DLGAP2: variants seen among roughly 807,000 people sequenced by gnomAD.
DLGAP2 encodes disks large-associated protein 2.
Under a neutral mutation model 100.3 loss-of-function variants are expected in DLGAP2, and 26 were observed. The observed-to-expected ratio is 0.26, with a 90% CI of 0.19 to 0.36. The LOEUF (loss-of-function observed/expected upper bound fraction) is 0.36. Ranked by LOEUF, DLGAP2 falls within the 10% of genes least tolerant of loss-of-function variation. DLGAP2 has a pLI of 1.00. For missense variants in DLGAP2, 1,858 were observed against 1,453.2 expected (o/e 1.28, Z -4.53); for synonymous variants, 886 against 630.1 (o/e 1.41, Z -6.08).
chr8:1,549,577 C>T lies in DLGAP2; in HGVS notation c.1124C>T (p.Thr375Met), dbSNP rs767514905. 12 of 1,612,344 alleles carry T rather than the reference C, an allele frequency of 7.4e-6. No individual in the cohort carries two copies. The highest frequency in any genetic ancestry group is 4.0e-5 in the African/African-American group (3 of 74,920). ...YLKRSSWSTL[T>M]VSQAKEAYRK... ...AAGCGCAGCTCCTGGTCTACGCTGA[C>T]GGTCAGCCAGGCCAAGGAGGCCTAC... The change falls in exon 5 of 15, where the codon ACG (threonine) becomes ATG (methionine). Residue 375 changes from threonine to methionine, a missense_variant. Transcript: ENST00000637795.
intron 4 of DLGAP2, among the ~76,000 whole-genome samples, chr8:1,542,676 A>C (rs1801403199): frequency 6.6e-6 from 1 of 152,186 alleles, no homozygotes; most frequent in African/African-American, 2.4e-5. Context: ...CTTTTTGGCA[A>C]CTATGAATGA....
intron 8 of DLGAP2, among the ~76,000 whole-genome samples, chr8:1,645,926 G>C (rs900613857): frequency 6.6e-6 from 1 of 152,204 alleles, no homozygotes. Context: ...TTCCAGCCTT[G>C]TCTTTCCCGT....
At chr8:1,685,678 A>C (rs1799096335) in intron 12 of DLGAP2, among the ~76,000 whole-genome samples, 1 of 152,166 alleles carries the variant, frequency 6.6e-6, no homozygotes, top group Admixed American at 6.5e-5. Context: ...AATGTCTGCA[A>C]ACTGCCCATC....
At position 823,724 on chromosome 8, in the gene DLGAP2, C is replaced by T. The variant is rs541251994; in HGVS notation, c.19-84188C>T. 5.3e-5 allele frequency among the ~76,000 whole-genome samples: 8 copies of T among 152,192 alleles called. No individual in the cohort carries two copies. In the East Asian group the frequency reaches 5.8e-4, roughly 11 times the overall value. On this transcript the variant is annotated intron_variant, in intron 1 of 14. Coordinates refer to ENST00000637795, the MANE Select transcript of DLGAP2 (RefSeq NM_001346810.2). ...AAATGTTTTTGTTGTTGATGTTTGTCGTCGTTTTGTCTTGCACTTTGGGAA... is the reference window on the plus strand; with the variant it reads ...AAATGTTTTTGTTGTTGATGTTTGTTGTCGTTTTGTCTTGCACTTTGGGAA...
intron 1 of DLGAP2, chr8:738,114 C>T (rs1486768599): frequency 8.2e-5 from 17 of 207,782 alleles, no homozygotes; most frequent in African/African-American, 1.7e-4. Flanking sequence ...CACGGGGCCG[C>T]GGAGGTGTGA....
intron 2 of DLGAP2, among the ~76,000 whole-genome samples, chr8:1,024,240 C>G (rs1801719745): frequency 6.9e-6 from 1 of 145,556 alleles, no homozygotes; most frequent in Non-Finnish European, 1.5e-5. Context: ...TGGAAGTGGA[C>G]AGCCCCGTGC....
In DLGAP2 at chr8:1,594,975, C is replaced by G. The variant is rs550210087; in HGVS notation, c.1442+29081C>G. 3.3e-5 allele frequency among the ~76,000 whole-genome samples: 5 copies of G among 152,258 alleles called. No individual in the cohort carries two copies. The South Asian group carries it at 1.0e-3, about 32-fold the overall frequency. ...TCGTGGGGTCACTCCACTAACTGGCCTCCCGCTTCCCATCTTGAATCCATA... is the reference window on the plus strand; with the variant it reads ...TCGTGGGGTCACTCCACTAACTGGCGTCCCGCTTCCCATCTTGAATCCATA... On this transcript the variant is annotated intron_variant, in intron 6 of 14. Transcript: ENST00000637795.
rs191567723 is a variant in DLGAP2, at chr8:1,421,262, C to G, written c.107-80104C>G. Among the ~76,000 whole-genome samples, 146 of 152,266 alleles carry G rather than the reference C, an allele frequency of 9.6e-4. 1 individual carries two copies. The highest frequency in any genetic ancestry group is 3.3e-3 in the African/African-American group (139 of 41,546). On this transcript the variant is annotated intron_variant, in intron 3 of 14. Coordinates refer to ENST00000637795, the MANE Select transcript of DLGAP2 (RefSeq NM_001346810.2). ...GCTGTAATCTGTGAACACAGCCTGT[C>G]CTTTGCTCTTCTTTGATTTTTCTAT...
intron 2 of DLGAP2, among the ~76,000 whole-genome samples, chr8:1,045,202 A>T (rs1802482789): frequency 6.6e-6 from 1 of 152,218 alleles, no homozygotes; most frequent in African/African-American, 2.4e-5. Context: ...GCAATTCACC[A>T]AAATTCTCTG....
At chr8:1,528,625 C>A (rs527453844) in intron 4 of DLGAP2, among the ~76,000 whole-genome samples, 56 of 152,352 alleles carry the variant, frequency 3.7e-4, no homozygotes, top group African/African-American at 1.3e-3. Context: ...CACCACCTTC[C>A]GCCTGGAGCC....
intron 6 of DLGAP2, among the ~76,000 whole-genome samples, chr8:1,614,459 G>A (rs1383921435): frequency 6.6e-6 from 1 of 152,226 alleles, no homozygotes; most frequent in African/African-American, 2.4e-5. Flanking sequence ...CGGACTGGAG[G>A]TGGCCTCTGC....
At chr8:1,306,160 A>G (rs1424508841) in intron 3 of DLGAP2, among the ~76,000 whole-genome samples, 1 of 151,386 alleles carries the variant, frequency 6.6e-6, no homozygotes, top group Non-Finnish European at 1.5e-5. Flanking sequence ...TGCAGATGAC[A>G]TAATCTTATA....
At chr8:1,355,943 A>C (rs1188956871) in intron 3 of DLGAP2, among the ~76,000 whole-genome samples, 1 of 152,178 alleles carries the variant, frequency 6.6e-6, no homozygotes, top group Non-Finnish European at 1.5e-5. Flanking sequence ...ATTCAAGTAC[A>C]TGCGTGTTGG....
At chr8:1,170,140 T>A (rs1432740692) in intron 2 of DLGAP2, among the ~76,000 whole-genome samples, 4 of 152,182 alleles carry the variant, frequency 2.6e-5, no homozygotes, top group Non-Finnish European at 5.9e-5. Flanking sequence ...ATTAAGATAA[T>A]CATGTGGTTT....
chr8:1,616,010 A>G (rs973753288), intron 6 of DLGAP2, among the ~76,000 whole-genome samples: 46 of 151,896 alleles, frequency 3.0e-4, no homozygotes, highest in Admixed American at 8.5e-4. Flanking sequence ...TAAAGATGTT[A>G]AAGGAGAAGA....
intron 13 of DLGAP2, among the ~76,000 whole-genome samples, chr8:1,696,911 T>C (rs562747537): frequency 2.4e-4 from 36 of 152,338 alleles, no homozygotes; most frequent in African/African-American, 8.2e-4. Flanking sequence ...TTCCCAGCAT[T>C]TTCAACGTGG....
At chr8:949,419 G>A (rs564103686) in intron 2 of DLGAP2, among the ~76,000 whole-genome samples, 1 of 152,108 alleles carries the variant, frequency 6.6e-6, no homozygotes, top group Non-Finnish European at 1.5e-5. Context: ...GAGTGAATGC[G>A]GATCCAGGAG....
intron 7 of DLGAP2, among the ~76,000 whole-genome samples, chr8:1,630,056 G>C (rs1251617580): frequency 1.3e-5 from 2 of 152,094 alleles, no homozygotes; most frequent in Non-Finnish European, 2.9e-5. Flanking sequence ...TTTATTTAAC[G>C]ACCTTGAAAT....
chr8:1,700,531 T>A (rs1799537153), intron 14 of DLGAP2, among the ~76,000 whole-genome samples: 1 of 152,258 alleles, frequency 6.6e-6, no homozygotes, highest in South Asian at 2.1e-4. Flanking sequence ...TGCATAATTG[T>A]GAGATTTATC....
Sources: allele counts gnomAD v4.1 joint callset (sites outside exome capture counted in the v4.1 genomes callset), GRCh38; gene constraint gnomAD v4.1.1; transcripts MANE v1.5; gene names NCBI Gene and HGNC (gene_info 2026-07-23, HGNC 2026-07-21).